C9orf50: variants seen among roughly 807,000 people sequenced by gnomAD.
C9orf50 encodes uncharacterized protein C9orf50.
C9orf50 carries 33 observed loss-of-function variants against 42.5 expected under a neutral mutation model. The observed-to-expected ratio is 0.78, with a 90% CI of 0.59 to 1.04. C9orf50 has a LOEUF of 1.04. Among genes scored for constraint, C9orf50 ranks in the 50% least tolerant of loss-of-function variants. C9orf50 has a pLI of 0.00. For missense variants in C9orf50, 547 were observed against 594.3 expected, an observed-to-expected ratio of 0.92 and a Z score of 0.83; for synonymous variants, 257 against 273.4, an observed-to-expected ratio of 0.94 and a Z score of 0.59.
At chr9:129,619,630 C>G (rs1830570767) in exon 3 of C9orf50, 11 of 1,613,954 alleles carry the variant, frequency 6.8e-6, no homozygotes, top group Non-Finnish European at 7.6e-6. Flanking sequence ...GGTGCGATGA[C>G]TGGCCCCTTA....
intron 3 of C9orf50, among the ~76,000 whole-genome samples, chr9:129,617,864 T>G (rs1830472511): frequency 6.6e-6 from 1 of 152,028 alleles, no homozygotes; most frequent in Admixed American, 6.6e-5. Context: ...TTGTAATTTT[T>G]GTAGAGACAG....
chr9:129,614,846 G>A lies in C9orf50; in HGVS notation c.880+638C>T, dbSNP rs925845800. ...GAACCCGGGAGGTGGAGCTTGCAGC[G>A]AGCCGAGATCGCGCCACTGCACTCC... On this transcript the variant is annotated intron_variant, in intron 4 of 6. Coordinates refer to ENST00000372478, the Ensembl canonical transcript of C9orf50. The surrounding 1 kb of genome is among the most constrained non-coding windows in gnomAD (Gnocchi z 4.4). 3.9e-5 allele frequency among the ~76,000 whole-genome samples: 6 copies of A among 152,242 alleles called. No homozygotes were observed. Among genetic ancestry groups the A allele is most frequent in the African/African-American group, 9.6e-5 (4 of 41,520 alleles).
rs1830172618 is a variant in C9orf50 at position 129,613,212 on chromosome 9, G to A, written c.1083C>T (p.Thr361=). The A allele has an allele frequency of 1.2e-6, 2 of 1,613,156 alleles. No individual in the cohort carries two copies. Among genetic ancestry groups the A allele is most frequent in the African/African-American group, 1.3e-5 (1 of 75,020 alleles). ...AGAAGGGCAGGCTGCTGTTCATGGAGGTGTCCTCAGAAAGGTAGCCCTGTG... is the reference window on the plus strand; with the variant it reads ...AGAAGGGCAGGCTGCTGTTCATGGAAGTGTCCTCAGAAAGGTAGCCCTGTG... Residue 361 remains threonine, a synonymous_variant, in exon 6 of 7, where the codon ACC becomes ACT. Coordinates refer to ENST00000372478, the Ensembl canonical transcript of C9orf50. The surrounding 1 kb of genome is among the most constrained non-coding windows in gnomAD (Gnocchi z 6.2).
In C9orf50 at chr9:129,615,660, A is replaced by G; in HGVS notation, c.717-13T>C. On this transcript the variant is annotated splice_polypyrimidine_tract_variant and intron_variant, in intron 3 of 6. Transcript: ENST00000372478. ...ACCGTGGGGCCTGCTGAGAGAGGGG[A>G]GAGGGGCCTGTGCTCGAAGCCCCCC... The G allele has an allele frequency of 6.5e-7, 1 of 1,528,214 alleles. No individual in the cohort carries two copies. The highest frequency in any genetic ancestry group is 1.2e-5 in the South Asian group (1 of 81,030). 94.7% of individuals were successfully genotyped at this position (1,528,214 alleles called of 1,614,324 possible).
In C9orf50 at chr9:129,613,232, C is replaced by A. The variant is rs767357869; in HGVS notation, c.1063G>T (p.Gly355Cys). ...ATGGAGGTGTCCTCAGAAAGGTAGC[C>A]CTGTGTCTTCTGGGTGGACCTGGGG... The change falls in exon 6 of 7, where the codon GGC becomes TGC. Residue 355 changes from glycine to cysteine, a missense_variant. Around this residue, in one of 3 missense-constraint regions of C9orf50, gnomAD observed 334 missense variants for 323.7 expected, o/e 1.03. Transcript: ENST00000372478. The surrounding 1 kb of genome is among the most constrained non-coding windows in gnomAD (Gnocchi z 6.2). 4.8e-5 allele frequency: 78 copies of A among 1,610,668 alleles called. No homozygotes were observed. In the African/African-American group the frequency reaches 1.0e-3, roughly 21 times the overall value.
At chr9:129,619,967 C>T in intron 1 of C9orf50, 100 bp downstream of exon 1, 2 of 1,480,868 alleles carry the variant, frequency 1.4e-6, no homozygotes, top group Admixed American at 2.0e-5. Flanking sequence ...CATTAGCATC[C>T]TTCTAGCCTG....
rs552800901 is a variant in C9orf50 at position 129,613,913 on chromosome 9, G to T, written c.881-316C>A. 9.2e-5 allele frequency among the ~76,000 whole-genome samples: 14 copies of T among 152,328 alleles called. No individual in the cohort carries two copies. The South Asian group carries it at 2.5e-3, about 27-fold the overall frequency. ...TCCCAGAAACCATGCTGAGAGCGTTGAGGGCTTCAGGGAGGGCTGTCTCAG... is the reference window on the plus strand; with the variant it reads ...TCCCAGAAACCATGCTGAGAGCGTTTAGGGCTTCAGGGAGGGCTGTCTCAG... On this transcript the variant is annotated intron_variant, in intron 4 of 6. Transcript: ENST00000372478. The surrounding 1 kb of genome is among the most constrained non-coding windows in gnomAD (Gnocchi z 6.2).
chr9:129,619,251 A>T (rs1000319099), intron 3 of C9orf50, among the ~76,000 whole-genome samples: 1 of 152,194 alleles, frequency 6.6e-6, no homozygotes, highest in African/African-American at 2.4e-5. Flanking sequence ...GGATGGGTGA[A>T]TGGGAAAATG....
rs765852587 is a variant in C9orf50 at position 129,615,664 on chromosome 9, G to C, written c.717-17C>G. On this transcript the variant is annotated splice_polypyrimidine_tract_variant and intron_variant, in intron 3 of 6. Transcript: ENST00000372478. ...TGGGGCCTGCTGAGAGAGGGGAGAG[G>C]GGCCTGTGCTCGAAGCCCCCCACCG... 1.3e-6 allele frequency: 2 copies of C among 1,519,084 alleles called. No individual in the cohort carries two copies. The highest frequency in any genetic ancestry group is 1.8e-6 in the Non-Finnish European group (2 of 1,139,088). The allele number at this position is 1,519,084 out of a possible 1,614,324, so 94.1% of individuals were successfully genotyped here.
At position 129,619,764 on chromosome 9, in the gene C9orf50, T is replaced by C. The variant is rs139758889; in HGVS notation, c.575A>G (p.Asn192Ser). The change falls in exon 2 of 7, where the codon AAC becomes AGC. Residue 192 changes from asparagine (N) to serine (S), a missense_variant. By Grantham distance (46) the Asn-to-Ser change is conservative. Around this residue, in one of 3 missense-constraint regions of C9orf50, gnomAD observed 334 missense variants for 323.7 expected, o/e 1.03. Coordinates refer to ENST00000372478, the Ensembl canonical transcript of C9orf50. ...CCACAGGTCTGGGAGGAATGAACAG[T>C]TGGGACACCGCGGAGACCCTGGGCA... The C allele has an allele frequency of 3.6e-3, 5,792 of 1,613,656 alleles. 20 individuals are homozygous for C. The highest frequency in any genetic ancestry group is 0.011 in the Middle Eastern group (65 of 6,062).
chr9:129,618,310 T>C lies in C9orf50; in HGVS notation c.716+1210A>G, dbSNP rs113557782. 7.2e-5 allele frequency among the ~76,000 whole-genome samples: 11 copies of C among 152,282 alleles called. 1 individual carries two copies. The highest frequency in any genetic ancestry group is 2.4e-4 in the African/African-American group (10 of 41,548). On this transcript the variant is annotated intron_variant, in intron 3 of 6. Transcript: ENST00000372478. Reference sequence around the variant, plus strand: ...CCAATTCCTAGGCTCTTCTCTTACCTCCATCCCTTAGTTTTCTCCCAATAT... The same window carrying C: ...CCAATTCCTAGGCTCTTCTCTTACCCCCATCCCTTAGTTTTCTCCCAATAT...
At chr9:129,617,134 ACT>A (rs942848669) in intron 3 of C9orf50, among the ~76,000 whole-genome samples, 1 of 152,082 alleles carries the variant, frequency 6.6e-6, no homozygotes, top group Non-Finnish European at 1.5e-5. Flanking sequence ...CCCACCTATA[ACT>A]CTGTTATGGA....
chr9:129,619,391 A>G, intron 3 of C9orf50, 129 bp downstream of exon 3: 9 of 712,738 alleles, frequency 1.3e-5, no homozygotes, highest in Middle Eastern at 3.8e-4. Flanking sequence ...ACGGACAGCC[A>G]TATGTAAGGA....
In C9orf50 at chr9:129,613,066, C is replaced by T; in HGVS notation, c.1188+41G>A. 1 of 1,611,398 alleles carries T rather than the reference C, an allele frequency of 6.2e-7. No individual in the cohort carries two copies. ...TCCCGGAGCCAGCTGCCAGCAGGGG[C>T]TCACCAGCTTCTAGGTCCAGGAGCA... is the stretch of plus-strand genomic sequence containing the variant. On this transcript the variant is annotated intron_variant, in intron 6 of 6. Coordinates refer to ENST00000372478, the Ensembl canonical transcript of C9orf50. This position sits in a 1 kb window ranked among gnomAD's most constrained non-coding sequence, Gnocchi z 6.2.
chr9:129,613,041 T>G lies in C9orf50; in HGVS notation c.1188+66A>C. The stretch of plus-strand genomic sequence containing the variant: ...CAGCCACTCCACCAAACAGGGCTGC[T>G]CCCGGAGCCAGCTGCCAGCAGGGGC... On this transcript the variant is annotated intron_variant, in intron 6 of 6. Transcript: ENST00000372478. This position sits in a 1 kb window ranked among gnomAD's most constrained non-coding sequence, Gnocchi z 6.2. The G allele has an allele frequency of 6.3e-7, 1 of 1,597,848 alleles. No homozygotes were observed. The highest frequency in any genetic ancestry group is 8.5e-7 in the Non-Finnish European group (1 of 1,173,982).
intron 4 of C9orf50, among the ~76,000 whole-genome samples, chr9:129,615,050 G>A (rs1375373108): frequency 6.6e-6 from 1 of 152,214 alleles, no homozygotes; most frequent in Non-Finnish European, 1.5e-5. Context: ...CGGCTTTTCT[G>A]GGCACCTCCT....
chr9:129,618,052 G>C (rs375202724), intron 3 of C9orf50, among the ~76,000 whole-genome samples: 8 of 152,186 alleles, frequency 5.3e-5, no homozygotes, highest in African/African-American at 1.9e-4. Context: ...TGTGAGGAAT[G>C]GTTCTGAGGC....
chr9:129,613,183 G>A lies in C9orf50; in HGVS notation c.1112C>T (p.Ser371Leu). Residue 371 changes from serine to leucine, a missense_variant, in exon 6 of 7, where the codon TCA becomes TTA. By Grantham distance (145) the Ser-to-Leu change is moderately radical (BLOSUM62 -2). Transcript: ENST00000372478. This position sits in a 1 kb window ranked among gnomAD's most constrained non-coding sequence, Gnocchi z 6.2. ...CCTCTGAGCAGCGGCCTTCTTCCAT[G>A]AACAGAAGGGCAGGCTGCTGTTCAT... 1.2e-6 allele frequency: 2 copies of A among 1,613,688 alleles called. No individual in the cohort carries two copies. Among genetic ancestry groups the A allele is most frequent in the Non-Finnish European group, 1.7e-6 (2 of 1,180,004 alleles).
At position 129,620,460 on chromosome 9, in the gene C9orf50, C is replaced by T; in HGVS notation, c.115G>A (p.Ala39Thr). 7.5e-7 allele frequency: 1 copy of T among 1,332,898 alleles called. No individual in the cohort carries two copies. The highest frequency in any genetic ancestry group is 3.5e-5 in the Admixed American group (1 of 28,954). The allele number at this position is 1,332,898 out of a possible 1,614,324, so 82.6% of individuals were successfully genotyped here. ...CGCGCGCCCAGAGCCGCTCGGAGCG[C>T]GGGCGGGGTCAGCTTGGGCAGCCGC... The change falls in exon 1 of 7, where the codon GCG becomes ACG. Residue 39 changes from alanine (A) to threonine (T), a missense_variant. This residue lies in a region of C9orf50 where 105 missense variants were observed against 98.5 expected (regional missense o/e 1.07). Coordinates refer to ENST00000372478, the Ensembl canonical transcript of C9orf50. The surrounding 1 kb of genome is among the most constrained non-coding windows in gnomAD (Gnocchi z 5.8).
Sources: allele counts gnomAD v4.1 joint callset (sites outside exome capture counted in the v4.1 genomes callset), GRCh38; gene constraint gnomAD v4.1.1; regional missense constraint gnomAD v4.1.1; non-coding constraint Gnocchi (gnomAD v3.1); transcripts MANE v1.5; gene names NCBI Gene and HGNC (gene_info 2026-07-23, HGNC 2026-07-21).